Variants in MICU1 observed in about 807,000 individuals in gnomAD.
The protein encoded by MICU1 is calcium uptake protein 1, mitochondrial.
A neutral mutation model predicts 56.8 loss-of-function variants in MICU1; 45 were observed. The observed-to-expected ratio is 0.79, with a 90% confidence interval of 0.62 to 1.02. The LOEUF (loss-of-function observed/expected upper bound fraction) is 1.02. Ranked by LOEUF, MICU1 falls within the 50% of genes least tolerant of loss-of-function variation. The pLI is 0.00. For missense variants in MICU1, 504 were observed against 587.1 expected (o/e 0.86, Z 1.46); for synonymous variants, 186 against 195.1 (o/e 0.95, Z 0.39).
chr10:72,467,076 C>G (rs1431747150), intron 8 of MICU1, among the ~76,000 whole-genome samples: 1 of 151,868 alleles, frequency 6.6e-6, no homozygotes, highest in Admixed American at 6.6e-5. Flanking sequence ...TTGTCTCACT[C>G]CGACCTCCAC....
At chr10:72,435,215 C>A (rs1343943359) in intron 8 of MICU1, among the ~76,000 whole-genome samples, 1 of 151,430 alleles carries the variant, frequency 6.6e-6, no homozygotes, top group Non-Finnish European at 1.5e-5. Context: ...CACAGTGAGA[C>A]CTGATTCTAC....
chr10:72,523,136 A>AATAGATG (rs1867871216), intron 5 of MICU1, among the ~76,000 whole-genome samples: 3 of 152,118 alleles, frequency 2.0e-5, no homozygotes, highest in African/African-American at 7.2e-5. Flanking sequence ...ATTAGTAAGG[A>AATAGATG]CACCTATCCA....
At chr10:72,411,158 T>A (rs188186644) in intron 9 of MICU1, among the ~76,000 whole-genome samples, 1 of 152,138 alleles carries the variant, frequency 6.6e-6, no homozygotes, top group African/African-American at 2.4e-5. Context: ...AATGAGGTAA[T>A]GAGAGTAGTC....
intron 10 of MICU1, among the ~76,000 whole-genome samples, chr10:72,387,217 T>C (rs573669371): frequency 4.6e-5 from 7 of 152,230 alleles, no homozygotes; most frequent in African/African-American, 1.4e-4. Context: ...CATGAACCCT[T>C]AGAGATACTT....
At chr10:72,620,242 T>C (rs1327864198) in intron 1 of MICU1, among the ~76,000 whole-genome samples, 2 of 152,180 alleles carry the variant, frequency 1.3e-5, no homozygotes, top group East Asian at 3.8e-4. Context: ...TGGTGTACAG[T>C]AGTGCCATCT....
At chr10:72,617,556 C>T (rs1418166304) in intron 1 of MICU1, among the ~76,000 whole-genome samples, 1 of 152,046 alleles carries the variant, frequency 6.6e-6, no homozygotes, top group African/African-American at 2.4e-5. Context: ...ATGTAGAAAC[C>T]CTGTCTCTAC....
At chr10:72,586,405 CT>C (rs1203872751) in intron 1 of MICU1, among the ~76,000 whole-genome samples, 1 of 152,060 alleles carries the variant, frequency 6.6e-6, no homozygotes, top group Non-Finnish European at 1.5e-5. Context: ...AATTCCAGCA[CT>C]TTGGGAGGCC....
At position 72,567,248 on chromosome 10, in the gene MICU1, G is replaced by A. The variant is rs146658269; in HGVS notation, c.-1-454C>T. On this transcript the variant is annotated intron_variant, in intron 1 of 11. Transcript: ENST00000361114. ...AGTCCCAGCTATTCAGGGGGCTGAGGTGAGAGCACTACTTAAGCCCAGGAT... is the reference window on the plus strand; with the variant it reads ...AGTCCCAGCTATTCAGGGGGCTGAGATGAGAGCACTACTTAAGCCCAGGAT... 1.7e-3 allele frequency among the ~76,000 whole-genome samples: 265 copies of A among 152,258 alleles called. 1 individual carries two copies. The highest frequency in any genetic ancestry group is 6.1e-3 in the African/African-American group (255 of 41,556).
intron 8 of MICU1, among the ~76,000 whole-genome samples, chr10:72,465,125 C>T (rs539151252): frequency 6.6e-6 from 1 of 152,066 alleles, no homozygotes; most frequent in South Asian, 2.1e-4. Flanking sequence ...CTCAGCCTCC[C>T]GAGTAGCTGG....
chr10:72,574,188 C>G (rs1840685347), intron 1 of MICU1, among the ~76,000 whole-genome samples: 1 of 152,098 alleles, frequency 6.6e-6, no homozygotes, highest in East Asian at 1.9e-4. Flanking sequence ...AGAAACATAT[C>G]TGAGATCTAC....
intron 6 of MICU1, among the ~76,000 whole-genome samples, chr10:72,481,408 GT>G (rs900280916): frequency 6.6e-6 from 1 of 151,730 alleles, no homozygotes; most frequent in Admixed American, 6.6e-5. Context: ...TTTTTGTTTT[GT>G]TTTTTGTTTT....
chr10:72,584,957 A>T (rs1841006163), intron 1 of MICU1, among the ~76,000 whole-genome samples: 1 of 152,208 alleles, frequency 6.6e-6, no homozygotes, highest in African/African-American at 2.4e-5. Flanking sequence ...CCAAGAAAGT[A>T]TTGACTTGCA....
At chr10:72,396,271 C>G (rs559840904) in intron 10 of MICU1, among the ~76,000 whole-genome samples, 13 of 152,304 alleles carry the variant, frequency 8.5e-5, no homozygotes, top group Admixed American at 8.5e-4. Flanking sequence ...CACCAAAACC[C>G]CAGCTGTAGG....
At chr10:72,376,268 C>T (rs866105527) in intron 10 of MICU1, among the ~76,000 whole-genome samples, 6 of 150,440 alleles carry the variant, frequency 4.0e-5, no homozygotes, top group African/African-American at 7.4e-5. Context: ...AGTGAGACTC[C>T]GTTTCAAAAA....
intron 5 of MICU1, among the ~76,000 whole-genome samples, chr10:72,517,781 C>CT (rs67568584): frequency 1.8e-3 from 269 of 146,566 alleles, no homozygotes; most frequent in Middle Eastern, 7.0e-3. Context: ...GGAAATAAAA[C>CT]TTTTTTTTTT....
chr10:72,369,579 G>A (rs1304824928), intron 11 of MICU1, among the ~76,000 whole-genome samples: 10 of 152,102 alleles, frequency 6.6e-5, no homozygotes, highest in African/African-American at 1.7e-4. Flanking sequence ...AGGGGGTTTC[G>A]TGGTGAAAAC....
chr10:72,611,275 C>G (rs538282541), intron 1 of MICU1, among the ~76,000 whole-genome samples: 3 of 147,766 alleles, frequency 2.0e-5, no homozygotes, highest in South Asian at 4.3e-4. Context: ...TGCACTCCAG[C>G]CTGGGAGACA....
At chr10:72,408,940 A>AT (rs951023736) in intron 9 of MICU1, among the ~76,000 whole-genome samples, 21 of 151,646 alleles carry the variant, frequency 1.4e-4, no homozygotes, top group African/African-American at 4.4e-4. Context: ...GTGAATGAAG[A>AT]TTTTTTTTTC....
chr10:72,376,872 A>G (rs560417858), intron 10 of MICU1, among the ~76,000 whole-genome samples: 1 of 151,126 alleles, frequency 6.6e-6, no homozygotes, highest in South Asian at 2.1e-4. Flanking sequence ...TTTATGCCAT[A>G]TATATTTTTA....
Sources: allele counts gnomAD v4.1 joint callset (sites outside exome capture counted in the v4.1 genomes callset), GRCh38; gene constraint gnomAD v4.1.1; transcripts MANE v1.5; gene names NCBI Gene and HGNC (gene_info 2026-07-23, HGNC 2026-07-21).